TECR: variants seen among roughly 807,000 people sequenced by gnomAD.
The protein encoded by TECR is very-long-chain enoyl-CoA reductase.
A neutral mutation model predicts 50.6 loss-of-function variants in TECR; 19 were observed. That is an observed-to-expected ratio of 0.38 (90% CI 0.26 to 0.55). The LOEUF (loss-of-function observed/expected upper bound fraction) is 0.55, where lower values mean the gene tolerates loss of function less well. Among genes scored for constraint, TECR ranks in the 20% least tolerant of loss-of-function variants. The pLI, the probability that TECR is intolerant of heterozygous loss-of-function variation, is 0.79. For missense variants in TECR, 313 were observed against 408.3 expected (o/e 0.77, Z 2.01); for synonymous variants, 168 against 163.5 (o/e 1.03, Z -0.21).
In TECR at chr19:14,563,456, C is replaced by G. The variant is rs1033988365; in HGVS notation, c.118+199C>G. ...CGCCCTTGCTAGGCTCTGGGAAGGA[C>G]AAGATCCTGCTTCTGCCCGCGCTCT... is the stretch of plus-strand genomic sequence containing the variant. On this transcript the variant is annotated intron_variant, in intron 3 of 12. Coordinates refer to ENST00000215567, the MANE Select transcript of TECR (RefSeq NM_138501.6). This position sits in a 1 kb window ranked among gnomAD's most constrained non-coding sequence, Gnocchi z 5.3. The G allele has an allele frequency of 2.4e-6, 2 of 826,494 alleles. No individual in the cohort carries two copies. The highest frequency in any genetic ancestry group is 3.4e-5 in the African/African-American group (2 of 58,840). The allele number at this position is 826,494 out of a possible 1,614,324, so 51.2% of individuals were successfully genotyped here.
intron 11 of TECR, 104 bp from the exon 12 acceptor site, chr19:14,565,512 CCT>C (rs1179085423): frequency 6.6e-7 from 1 of 1,517,440 alleles, no homozygotes; most frequent in African/African-American, 1.4e-5. Flanking sequence ...GGTTCCCATC[CCT>C]GACTCAGAAA....
intron 1 of TECR, among the ~76,000 whole-genome samples, chr19:14,547,343 CTATTTTATTTTATTT>C (rs149850437): frequency 1.3e-5 from 2 of 151,592 alleles, no homozygotes; most frequent in African/African-American, 4.8e-5. Flanking sequence ...CGTACCTGGC[CTATTTTATTTTATTT>C]TATTTTATTT....
At chr19:14,534,243 G>C (rs2072780535) in intron 1 of TECR, among the ~76,000 whole-genome samples, 1 of 151,348 alleles carries the variant, frequency 6.6e-6, no homozygotes, top group Non-Finnish European at 1.5e-5. Flanking sequence ...TCCTGCCTCA[G>C]CCTCCCGAGT....
chr19:14,541,977 T>A (rs1419552973), intron 1 of TECR, among the ~76,000 whole-genome samples: 2 of 152,082 alleles, frequency 1.3e-5, no homozygotes, highest in African/African-American at 4.8e-5. Context: ...GTAGACCGGG[T>A]TTCACATGTT....
chr19:14,561,411 A>C (rs1165963646), intron 1 of TECR, among the ~76,000 whole-genome samples: 1 of 152,038 alleles, frequency 6.6e-6, no homozygotes, highest in Non-Finnish European at 1.5e-5. Context: ...GGTGGGTCAG[A>C]TCCCCGGGGG....
chr19:14,544,717 C>T (rs1157328404), intron 1 of TECR, among the ~76,000 whole-genome samples: 1 of 150,842 alleles, frequency 6.6e-6, no homozygotes, highest in Non-Finnish European at 1.5e-5. Context: ...CCCTGCAACT[C>T]CAACTCCTGG....
intron 11 of TECR, 49 bp from the exon 12 acceptor site, chr19:14,565,569 T>G: frequency 3.2e-6 from 5 of 1,585,738 alleles, no homozygotes; most frequent in Non-Finnish European, 4.3e-6. Flanking sequence ...GACAGCCACA[T>G]ACACGGGTTG....
At chr19:14,529,283 C>T, upstream of TECR, 1 of 347,554 alleles carries the variant, frequency 2.9e-6, no homozygotes, top group Non-Finnish European at 5.6e-6. Flanking sequence ...CTTACCCCGC[C>T]CCCGCGTCTG....
intron 1 of TECR, chr19:14,532,511 T>TGA (rs1568392652): frequency 1.5e-5 from 1 of 65,724 alleles, no homozygotes; most frequent in African/African-American, 5.7e-5. Context: ...AGAGTCTGTC[T>TGA]CAAAAAAAAA....
chr19:14,529,743 A>T (rs1225152251), intron 1 of TECR, 32 bp downstream of exon 1: 5 of 1,613,802 alleles, frequency 3.1e-6, no homozygotes, highest in African/African-American at 2.7e-5. Flanking sequence ...CCGTGTGGCC[A>T]CTGCTGACCC....
rs138861615 is a variant in TECR at position 14,545,758 on chromosome 19, A to T, written c.15+16047A>T. On this transcript the variant is annotated intron_variant, in intron 1 of 12. Transcript: ENST00000215567. ...CCCTGCACACGGTTGAGCCCTTTGT[A>T]GGTCTCCGTGTGACAAGTACATCCC... 3.8e-3 allele frequency: 588 copies of T among 154,816 alleles called. 7 individuals carry two copies. Among genetic ancestry groups the T allele is most frequent in the African/African-American group, 0.012 (511 of 41,570 alleles). 9.6% of individuals were successfully genotyped at this position (154,816 alleles called of 1,614,324 possible).
intron 1 of TECR, among the ~76,000 whole-genome samples, chr19:14,533,283 G>T (rs1047444935): frequency 5.9e-5 from 9 of 151,960 alleles, no homozygotes; most frequent in African/African-American, 2.2e-4. Flanking sequence ...AGCTGGGTGT[G>T]GTGGCGCACG....
intron 1 of TECR, among the ~76,000 whole-genome samples, chr19:14,538,388 G>T (rs2420533): frequency 0.02 from 2,979 of 152,212 alleles, 83 homozygotes; most frequent in African/African-American, 0.064. Context: ...GAAGTGCTCA[G>T]CATGCTTCGC....
chr19:14,537,479 G>C (rs1199387028), intron 1 of TECR, among the ~76,000 whole-genome samples: 1 of 152,060 alleles, frequency 6.6e-6, no homozygotes, highest in Non-Finnish European at 1.5e-5. Flanking sequence ...CTTGAGTGAG[G>C]GCGGTGCTTG....
chr19:14,565,747 C>T lies in TECR; in HGVS notation c.803C>T (p.Ala268Val), dbSNP rs2074062654. Residue 268 changes from alanine to valine, a missense_variant, in exon 13 of 13, where the codon GCC (alanine) becomes GTC (valine). Coordinates refer to ENST00000215567, the MANE Select transcript of TECR (RefSeq NM_138501.6). ...TGACGCCCGTTCTTTCCTGCAGTGG[C>T]CCTGTTCTCCCTGGTGGGCTTCACC... ...FAIMTQCLPV[A>V]LFSLVGFTQM... 2 of 1,612,118 alleles carry T rather than the reference C, an allele frequency of 1.2e-6. No homozygotes were observed. The highest frequency in any genetic ancestry group is 1.3e-5 in the African/African-American group (1 of 74,934).
intron 11 of TECR, 45 bp from the exon 12 acceptor site, chr19:14,565,573 C>G (rs1256759856): frequency 1.9e-6 from 3 of 1,588,994 alleles, no homozygotes; most frequent in Non-Finnish European, 2.6e-6. Context: ...GCCACATACA[C>G]GGGTTGCGAG....
At chr19:14,536,433 C>A (rs1206712808) in intron 1 of TECR, among the ~76,000 whole-genome samples, 5 of 152,014 alleles carry the variant, frequency 3.3e-5, no homozygotes, top group African/African-American at 1.2e-4. Flanking sequence ...CCACGCCCGG[C>A]TAATTTTTGT....
chr19:14,547,963 CT>C (rs1043298294), intron 1 of TECR, among the ~76,000 whole-genome samples: 8,007 of 125,560 alleles, frequency 0.064, 602 homozygotes, highest in African/African-American at 0.22. Context: ...ATGGGCATTT[CT>C]TTTTTTTTTT....
At chr19:14,529,913 C>G in intron 1 of TECR, 1 of 740,964 alleles carries the variant, frequency 1.3e-6, no homozygotes. Flanking sequence ...AAATCTGCAA[C>G]CCAGGCTGTT....
Sources: gnomAD v4.1 joint callset for allele counts (sites outside exome capture counted in the v4.1 genomes callset) on GRCh38, gnomAD v4.1.1 for gene constraint, Gnocchi (gnomAD v3.1) non-coding constraint, MANE v1.5 for transcripts, NCBI Gene and HGNC (gene_info 2026-07-23, HGNC 2026-07-21) for gene names.